Variants in GALNT16 observed in about 807,000 individuals in gnomAD.
GALNT16 encodes the protein polypeptide N-acetylgalactosaminyltransferase 16.
A neutral mutation model predicts 76.1 loss-of-function variants in GALNT16; 40 were observed. The ratio of observed to expected loss-of-function variants is 0.53; its 90% CI spans 0.41 to 0.68. GALNT16 has a LOEUF of 0.68. Among genes scored for constraint, GALNT16 ranks in the 30% least tolerant of loss-of-function variants. The pLI is 0.00. For synonymous variants in GALNT16, 276 were observed against 285.2 expected, an observed-to-expected ratio of 0.97 and a Z score of 0.32; for missense variants, 621 against 731.9, an observed-to-expected ratio of 0.85 and a Z score of 1.75.
At chr14:69,280,264 A>T (rs899589134) in intron 1 of GALNT16, among the ~76,000 whole-genome samples, 2 of 152,146 alleles carry the variant, frequency 1.3e-5, no homozygotes, top group African/African-American at 4.8e-5. Context: ...TGACTACTCT[A>T]GGTACCTCAT....
At chr14:69,286,596 G>A (rs769974928) in intron 1 of GALNT16, among the ~76,000 whole-genome samples, 5 of 152,060 alleles carry the variant, frequency 3.3e-5, no homozygotes, top group Admixed American at 2.0e-4. Flanking sequence ...GAGCCACTGC[G>A]CCCGGCCAAA....
At chr14:69,362,767 G>T in the GALNT16 span, among the ~76,000 whole-genome samples, 1 of 152,248 alleles carries the variant, frequency 6.6e-6, no homozygotes, top group Non-Finnish European at 1.5e-5. Context: ...GGCCAGAGCT[G>T]CTAGACTCTA....
At chr14:69,296,371 AACC>A (rs2044759770) in intron 1 of GALNT16, among the ~76,000 whole-genome samples, 1 of 152,190 alleles carries the variant, frequency 6.6e-6, no homozygotes, top group Admixed American at 6.5e-5. Context: ...CGCAGAGCCA[AACC>A]ACATCACATA....
At chr14:69,287,131 C>T (rs2044624086) in intron 1 of GALNT16, among the ~76,000 whole-genome samples, 1 of 152,222 alleles carries the variant, frequency 6.6e-6, no homozygotes, top group African/African-American at 2.4e-5. Context: ...TGTGACTCTG[C>T]CCACTGTTGG....
intron 9 of GALNT16, among the ~76,000 whole-genome samples, chr14:69,337,584 CCAAA>C: frequency 6.6e-6 from 1 of 152,290 alleles, no homozygotes; most frequent in South Asian, 2.1e-4. Context: ...GTTGCTGAGG[CCAAA>C]CACAGAGCTC....
At chr14:69,320,562 TG>T (rs1350394546) in intron 1 of GALNT16, 148 bp from the exon 2 acceptor site, 10 of 633,082 alleles carry the variant, frequency 1.6e-5, no homozygotes. Flanking sequence ...TTCTGTACAG[TG>T]GGGGAGATAA....
chr14:69,383,651 A>G, the GALNT16 span, among the ~76,000 whole-genome samples: 1 of 152,232 alleles, frequency 6.6e-6, no homozygotes, highest in African/African-American at 2.4e-5. Flanking sequence ...TCAAGCTATG[A>G]TAATTTACGG....
intron 12 of GALNT16, among the ~76,000 whole-genome samples, chr14:69,343,469 G>T (rs2045521105): frequency 6.6e-6 from 1 of 152,208 alleles, no homozygotes; most frequent in African/African-American, 2.4e-5. Flanking sequence ...TGTGAGCACT[G>T]GCAGTGTCAC....
At chr14:69,296,034 G>T (rs979742835) in intron 1 of GALNT16, among the ~76,000 whole-genome samples, 1 of 152,152 alleles carries the variant, frequency 6.6e-6, no homozygotes, top group African/African-American at 2.4e-5. Flanking sequence ...AAGAAAAGAG[G>T]TTTCACTGAC....
At chr14:69,318,232 A>G (rs547157852) in intron 1 of GALNT16, among the ~76,000 whole-genome samples, 43 of 152,236 alleles carry the variant, frequency 2.8e-4, no homozygotes, top group African/African-American at 1.0e-3. Flanking sequence ...TGGCTTGTGG[A>G]AGGGAACAGC....
At chr14:69,327,865 C>T (rs971658654) in intron 5 of GALNT16, among the ~76,000 whole-genome samples, 4 of 152,332 alleles carry the variant, frequency 2.6e-5, no homozygotes, top group African/African-American at 9.6e-5. Context: ...CAGAACCTGA[C>T]ATGTGTGGGT....
chr14:69,269,735 T>C (rs2044383709), intron 1 of GALNT16, among the ~76,000 whole-genome samples: 1 of 150,806 alleles, frequency 6.6e-6, no homozygotes, highest in Non-Finnish European at 1.5e-5. Flanking sequence ...GGTTCGTGTA[T>C]GTCTGTGTGG....
chr14:69,321,172 G>A (rs2045176523), intron 2 of GALNT16, among the ~76,000 whole-genome samples: 2 of 152,188 alleles, frequency 1.3e-5, no homozygotes, highest in Non-Finnish European at 2.9e-5. Context: ...TGAGCCAGGC[G>A]CTCTTGGGGC....
At chr14:69,338,988 A>G (rs1385578367) in intron 10 of GALNT16, among the ~76,000 whole-genome samples, 1 of 151,942 alleles carries the variant, frequency 6.6e-6, no homozygotes, top group African/African-American at 2.4e-5. Flanking sequence ...CTTGAGACTC[A>G]TATGGACTTC....
chr14:69,283,207 C>T (rs1286403280), intron 1 of GALNT16, among the ~76,000 whole-genome samples: 1 of 152,188 alleles, frequency 6.6e-6, no homozygotes, highest in Non-Finnish European at 1.5e-5. Context: ...TGAAAAGACA[C>T]TATGGACACA....
intron 1 of GALNT16, among the ~76,000 whole-genome samples, chr14:69,286,890 A>C (rs1407390958): frequency 6.6e-6 from 1 of 152,178 alleles, no homozygotes; most frequent in African/African-American, 2.4e-5. Context: ...TGTTTTAATA[A>C]AAAAAAGAAA....
At chr14:69,330,018 G>A (rs558035138) in intron 6 of GALNT16, among the ~76,000 whole-genome samples, 3 of 152,304 alleles carry the variant, frequency 2.0e-5, no homozygotes, top group Admixed American at 2.0e-4. Context: ...ACTTTGGAAG[G>A]CAGTCTGGCA....
At chr14:69,322,925 G>GGGGGGTGTGTGT (rs797021875) in intron 2 of GALNT16, among the ~76,000 whole-genome samples, 1 of 103,780 alleles carries the variant, frequency 9.6e-6, no homozygotes, top group African/African-American at 3.9e-5. Flanking sequence ...TGGCTCACGG[G>GGGGGGTGTGTGT]GTGTGTGTGT....
Position 69,347,023 on chromosome 14 carries a change from G to C in GALNT16, c.1272-17G>C. ...TGGGGGGGAAAGCACAAGCCTGACT[G>C]CTGCCTTTTCTCTCAGGGTCCCCGT... On this transcript the variant is annotated splice_polypyrimidine_tract_variant and intron_variant, in intron 12 of 14. Transcript: ENST00000448469. The C allele has an allele frequency of 6.2e-7, 1 of 1,614,014 alleles. No homozygotes were observed. The highest frequency in any genetic ancestry group is 8.5e-7 in the Non-Finnish European group (1 of 1,179,932).
Sources: allele counts gnomAD v4.1 joint callset (sites outside exome capture counted in the v4.1 genomes callset), GRCh38; gene constraint gnomAD v4.1.1; transcripts MANE v1.5; gene names NCBI Gene and HGNC (gene_info 2026-07-23, HGNC 2026-07-21).